The following AQP9 variants were observed in gnomAD, a reference collection of about 807,000 sequenced individuals.
The protein encoded by AQP9 is aquaporin-9.
AQP9 carries 19 observed loss-of-function variants against 23.8 expected under a neutral mutation model. The observed-to-expected ratio is 0.80, with a 90% CI of 0.56 to 1.17. The LOEUF (loss-of-function observed/expected upper bound fraction) is 1.17. Ranked by LOEUF, AQP9 falls within the 50% of genes most tolerant of loss-of-function variation. The pLI, the probability that AQP9 is intolerant of heterozygous loss-of-function variation, is 0.00. For missense variants in AQP9, 413 were observed against 362.0 expected (o/e 1.14, Z -1.14); for synonymous variants, 153 against 131.5 (o/e 1.16, Z -1.12).
upstream of AQP9, chr15:58,138,330 G>C: frequency 2.5e-6 from 1 of 393,456 alleles, no homozygotes. Flanking sequence ...GGGGATTTCG[G>C]GTTCTAAGTC....
At chr15:58,141,331 T>C (rs140419804) in intron 1 of AQP9, among the ~76,000 whole-genome samples, 91 of 152,328 alleles carry the variant, frequency 6.0e-4, no homozygotes, top group African/African-American at 2.1e-3. Flanking sequence ...CTGTATTTCC[T>C]CCTGAGGTGG....
At chr15:58,141,304 A>G (rs1897948917) in intron 1 of AQP9, among the ~76,000 whole-genome samples, 1 of 152,202 alleles carries the variant, frequency 6.6e-6, no homozygotes, top group South Asian at 2.1e-4. Flanking sequence ...TGCTGAAGTG[A>G]ACAACCCAGC....
At chr15:58,148,667 G>C (rs908461265) in intron 1 of AQP9, among the ~76,000 whole-genome samples, 2 of 152,156 alleles carry the variant, frequency 1.3e-5, no homozygotes, top group Non-Finnish European at 2.9e-5. Context: ...TCTGGTCCTT[G>C]GGATGGTGAT....
At chr15:58,170,985 C>T (rs1228280143) in intron 2 of AQP9, among the ~76,000 whole-genome samples, 2 of 151,968 alleles carry the variant, frequency 1.3e-5, no homozygotes, top group East Asian at 1.9e-4. Context: ...AGTGCAGTGG[C>T]GCAATCTCTG....
chr15:58,159,361 C>T (rs984859701), intron 1 of AQP9, among the ~76,000 whole-genome samples: 1 of 151,944 alleles, frequency 6.6e-6, no homozygotes, highest in Non-Finnish European at 1.5e-5. Flanking sequence ...GGTAGTTTTG[C>T]TTCCTGCGCT....
At chr15:58,166,845 A>C in intron 2 of AQP9, 46 bp downstream of exon 2, 1 of 1,605,564 alleles carries the variant, frequency 6.2e-7, no homozygotes, top group South Asian at 1.1e-5. Context: ...CAGCCACTCC[A>C]ATGTGCCCGC....
intron 3 of AQP9, among the ~76,000 whole-genome samples, chr15:58,174,201 G>A (rs1898688562): frequency 6.6e-6 from 1 of 151,894 alleles, no homozygotes; most frequent in South Asian, 2.1e-4. Context: ...TAAGAGGATT[G>A]CTTCAGCCCA....
Position 58,171,091 on chromosome 15 carries a change from AT to A in AQP9, c.239-1962del, listed in dbSNP as rs3985731. Among the ~76,000 whole-genome samples the A allele has an allele frequency of 2.1e-3, 286 of 136,936 alleles. 1 individual carries two copies. The highest frequency in any genetic ancestry group is 2.3e-3 in the East Asian group (11 of 4,714). 89.8% of individuals were successfully genotyped at this position (136,936 alleles called of 152,430 possible). ...AGGTGCGAGCCACCACGCCCAACTA[AT>A]TTTTTTTTTTTTTTGAGACGGAGTT... On this transcript the variant is annotated intron_variant, in intron 2 of 5. Coordinates refer to ENST00000219919, the MANE Select transcript of AQP9 (RefSeq NM_020980.5).
At chr15:58,153,298 C>G (rs912100332) in intron 1 of AQP9, 1 of 152,190 alleles carries the variant, frequency 6.6e-6, no homozygotes, top group South Asian at 2.1e-4. Context: ...TCCCTGACTT[C>G]CTTCCACTGT....
chr15:58,181,066 C>T (rs1898876741), intron 5 of AQP9, among the ~76,000 whole-genome samples: 1 of 152,162 alleles, frequency 6.6e-6, no homozygotes, highest in Non-Finnish European at 1.5e-5. Flanking sequence ...TTGAGACCTC[C>T]TTGGTGATTC....
At chr15:58,163,297 A>G (rs770189675) in intron 1 of AQP9, among the ~76,000 whole-genome samples, 1 of 152,198 alleles carries the variant, frequency 6.6e-6, no homozygotes, top group Non-Finnish European at 1.5e-5. Context: ...AGCAAGTGCT[A>G]GGTCCTGTCA....
In AQP9 at chr15:58,179,267, G is replaced by T. The variant is rs1377500041; in HGVS notation, c.635G>T (p.Gly212Val). The T allele has an allele frequency of 1.9e-6, 3 of 1,614,010 alleles. No homozygotes were observed. Among genetic ancestry groups the T allele is most frequent in the Non-Finnish European group, 2.5e-6 (3 of 1,180,024 alleles). ...GCTTCCTCCCTGGGACTGAACAGTG[G>T]CTGTGCCATGAACCCAGCTCGAGAC... ...VIASSLGLNS[G>V]CAMNPARDLS... The change falls in exon 5 of 6, where the codon GGC becomes GTC. Residue 212 changes from glycine (G) to valine (V), a missense_variant. Gly to Val is a moderately radical substitution (Grantham distance 109, BLOSUM62 -3). Coordinates refer to ENST00000219919, the MANE Select transcript of AQP9 (RefSeq NM_020980.5).
At chr15:58,150,338 T>C (rs1898125592) in intron 1 of AQP9, 1 of 152,676 alleles carries the variant, frequency 6.5e-6, no homozygotes. Context: ...CAAGGCCCCT[T>C]TTACTATCTC....
intron 1 of AQP9, among the ~76,000 whole-genome samples, chr15:58,146,362 C>T (rs918999193): frequency 6.6e-6 from 1 of 151,962 alleles, no homozygotes; most frequent in Non-Finnish European, 1.5e-5. Context: ...TTCACCAATT[C>T]CCTATTTGGT....
chr15:58,170,088 G>A (rs1246177362), intron 2 of AQP9, among the ~76,000 whole-genome samples: 2 of 152,150 alleles, frequency 1.3e-5, no homozygotes, highest in African/African-American at 4.8e-5. Context: ...AAAGCCAAGA[G>A]TTGAGTGCAG....
At position 58,179,453 on chromosome 15, in the gene AQP9, T is replaced by C. The variant is rs188983909; in HGVS notation, c.713+108T>C. 5.4e-4 allele frequency: 493 copies of C among 913,780 alleles called. 1 individual carries two copies. The African/African-American group carries it at 7.2e-3, about 13-fold the overall frequency. 56.6% of individuals were successfully genotyped at this position (913,780 alleles called of 1,614,324 possible). On this transcript the variant is annotated intron_variant, in intron 5 of 5. Transcript: ENST00000219919. The stretch of plus-strand genomic sequence containing the variant: ...GGAAGTTCAGATGACAGCGCCAACG[T>C]TAACTGCACACTCTGGTCATAAGCA...
chr15:58,167,889 A>G (rs1898542478), intron 2 of AQP9, among the ~76,000 whole-genome samples: 1 of 152,026 alleles, frequency 6.6e-6, no homozygotes, highest in African/African-American at 2.4e-5. Context: ...CACCTGGCTA[A>G]TTATTTTGTA....
chr15:58,147,685 C>T (rs1471954254), intron 1 of AQP9, among the ~76,000 whole-genome samples: 1 of 152,104 alleles, frequency 6.6e-6, no homozygotes, highest in Non-Finnish European at 1.5e-5. Flanking sequence ...GAAATTCAAG[C>T]TTTCTTATGA....
chr15:58,162,121 G>T (rs1349033077), intron 1 of AQP9, among the ~76,000 whole-genome samples: 1 of 152,188 alleles, frequency 6.6e-6, no homozygotes, highest in Non-Finnish European at 1.5e-5. Flanking sequence ...AAGGTACAGG[G>T]TTAATTACCG....
Sources: gnomAD v4.1 joint callset for allele counts (sites outside exome capture counted in the v4.1 genomes callset) on GRCh38, gnomAD v4.1.1 for gene constraint, MANE v1.5 for transcripts, NCBI Gene and HGNC (gene_info 2026-07-23, HGNC 2026-07-21) for gene names.